The following DSP variants were observed in gnomAD, a reference collection of about 807,000 sequenced individuals.
The protein encoded by DSP is 250/210 kDa paraneoplastic pemphigus antigen.
In DSP, 114 loss-of-function variants were observed where a neutral mutation model predicts 290.6. The observed-to-expected ratio is 0.39, with a 90% CI of 0.34 to 0.46. The LOEUF (loss-of-function observed/expected upper bound fraction) is 0.46, where lower values mean the gene tolerates loss of function less well. DSP is among the 20% of genes least tolerant of loss of function. The pLI is 0.99. For synonymous variants in DSP, 1,311 were observed against 1,316.4 expected (o/e 1.00, Z 0.09); for missense variants, 3,230 against 3,495.8 (o/e 0.92, Z 1.92).
At chr6:7,570,379 C>T in intron 12 of DSP, 58 bp from the exon 13 acceptor site, 1 of 1,613,388 alleles carries the variant, frequency 6.2e-7, no homozygotes, top group Admixed American at 1.7e-5. Flanking sequence ...CCAGGTTTCC[C>T]ATTTGGGATG....
Position 7,542,138 on chromosome 6 carries a change from A to T in DSP, c.170+53A>T, listed in dbSNP as rs866743660. 5.2e-6 allele frequency: 8 copies of T among 1,546,448 alleles called. No individual in the cohort carries two copies. The East Asian group carries it at 2.0e-4, about 38-fold the overall frequency. Reference sequence around the variant, plus strand: ...TGCGGGGCTCGCGGGACAGGGAGGGACCGTCCTCCTCTGGACGACTGGGAG... The same window carrying T: ...TGCGGGGCTCGCGGGACAGGGAGGGTCCGTCCTCCTCTGGACGACTGGGAG... On this transcript the variant is annotated intron_variant, in intron 1 of 23. Transcript: ENST00000379802.
chr6:7,564,564 G>C (rs1157466114), intron 6 of DSP, among the ~76,000 whole-genome samples: 1 of 151,938 alleles, frequency 6.6e-6, no homozygotes, highest in African/African-American at 2.4e-5. Context: ...ATTATTGATG[G>C]GTACAAAAAT....
chr6:7,553,799 C>T (rs1758408605), intron 1 of DSP, among the ~76,000 whole-genome samples: 1 of 152,152 alleles, frequency 6.6e-6, no homozygotes, highest in African/African-American at 2.4e-5. Flanking sequence ...GCACCACCTC[C>T]CCTGGGCCTG....
At position 7,579,832 on chromosome 6, in the gene DSP, T is replaced by A. The variant is rs755908729; in HGVS notation, c.3642T>A (p.Ile1214=). ...TAAGGAACAAGTATGAAACAGAGAT[T>A]AACATTACGAAGACCACCATCAAGG... ...SNLRNKYETE[I]NITKTTIKEI... The change falls in exon 23 of 24, where the codon ATT becomes ATA. Residue 1214 remains isoleucine (I), a synonymous_variant. Transcript: ENST00000379802. This position sits in a 1 kb window ranked among gnomAD's most constrained non-coding sequence, Gnocchi z 4.1. 7 of 1,613,918 alleles carry A rather than the reference T, an allele frequency of 4.3e-6. No individual in the cohort carries two copies. The Admixed American group carries it at 8.3e-5, about 19-fold the overall frequency.
chr6:7,552,327 G>T (rs1480569003), intron 1 of DSP, among the ~76,000 whole-genome samples: 1 of 151,922 alleles, frequency 6.6e-6, no homozygotes, highest in Non-Finnish European at 1.5e-5. Flanking sequence ...AGGCCGAGGT[G>T]GGCAGATCAT....
At chr6:7,566,560 T>C (rs1758871202) in intron 8 of DSP, 79 bp downstream of exon 8, 1 of 1,156,606 alleles carries the variant, frequency 8.6e-7, no homozygotes, top group African/African-American at 1.6e-5. Flanking sequence ...TGAGTAATTC[T>C]TATATGACTT....
At chr6:7,559,475 G>T in intron 4 of DSP, 75 bp downstream of exon 4, 1 of 1,590,310 alleles carries the variant, frequency 6.3e-7, no homozygotes. Flanking sequence ...CCATGTGTTT[G>T]TGTGACAAAG....
rs2113705755 is a variant in DSP, at chr6:7,585,829, CTTCCTACTCTTA to C, written c.8577_8588del (p.Tyr2860_Ser2863del). The C allele has an allele frequency of 1.9e-6, 3 of 1,613,422 alleles. No individual in the cohort carries two copies. In the African/African-American group the frequency reaches 4.0e-5, roughly 22 times the overall value. On this transcript the variant is annotated inframe_deletion, in exon 24 of 24. Transcript: ENST00000379802. ...GGAAGCTTTGACGCCACAGGGAATT[CTTCCTACTCTTA>C]TTCCTACTCATTTAGCAGTAGTTCT...
chr6:7,566,617 C>A, intron 8 of DSP, 136 bp downstream of exon 8: 1 of 728,312 alleles, frequency 1.4e-6, no homozygotes, highest in Non-Finnish European at 2.3e-6. Flanking sequence ...ATACCCTACA[C>A]CAGGGGTTGG....
intron 4 of DSP, among the ~76,000 whole-genome samples, chr6:7,560,033 GACTAA>G (rs1758630444): frequency 6.6e-6 from 1 of 152,202 alleles, no homozygotes; most frequent in African/African-American, 2.4e-5. Flanking sequence ...TATTTTTCAA[GACTAA>G]TGATTGTTGT....
intron 8 of DSP, 94 bp from the exon 9 acceptor site, chr6:7,567,260 C>A: frequency 1.0e-6 from 1 of 993,744 alleles, no homozygotes; most frequent in Non-Finnish European, 1.6e-6. Context: ...ATAAAAACTG[C>A]TTACTAGCTT....
At chr6:7,553,816 G>A (rs1758408889) in intron 1 of DSP, among the ~76,000 whole-genome samples, 1 of 152,160 alleles carries the variant, frequency 6.6e-6, no homozygotes, top group African/African-American at 2.4e-5. Context: ...CCTGCCTGGA[G>A]GAGCCTGTGT....
chr6:7,579,390 C>T lies in DSP; in HGVS notation c.3200C>T (p.Ala1067Val), dbSNP rs1317030435. 2 of 1,613,982 alleles carry T rather than the reference C, an allele frequency of 1.2e-6. No homozygotes were observed. Among genetic ancestry groups the T allele is most frequent in the Admixed American group, 3.3e-5 (2 of 60,004 alleles). ...FLDQNLQKYQ[A>V]ECSQFKAKLA... ...GATCAGAACCTGCAGAAATACCAGG[C>T]AGAGTGTTCCCAGTTCAAAGCGAAG... is the stretch of plus-strand genomic sequence containing the variant. Residue 1067 changes from alanine (A) to valine (V), a missense_variant, in exon 23 of 24, where the codon GCA becomes GTA. By Grantham distance (64) the Ala-to-Val change is moderately conservative (BLOSUM62 0). Transcript: ENST00000379802. This position sits in a 1 kb window ranked among gnomAD's most constrained non-coding sequence, Gnocchi z 4.1.
At chr6:7,568,866 C>T (rs905637267) in intron 11 of DSP, among the ~76,000 whole-genome samples, 1 of 152,142 alleles carries the variant, frequency 6.6e-6, no homozygotes, top group Non-Finnish European at 1.5e-5. Context: ...TGATCACTCT[C>T]ATCTTTAAAT....
At chr6:7,545,098 G>T (rs1238644248) in intron 1 of DSP, among the ~76,000 whole-genome samples, 1 of 152,202 alleles carries the variant, frequency 6.6e-6, no homozygotes, top group East Asian at 1.9e-4. Flanking sequence ...GGGTGAATTT[G>T]TGGGAGGATT....
At chr6:7,560,030 C>T (rs1032499270) in intron 4 of DSP, among the ~76,000 whole-genome samples, 1 of 152,184 alleles carries the variant, frequency 6.6e-6, no homozygotes, top group African/African-American at 2.4e-5. Context: ...AAGTATTTTT[C>T]AAGACTAATG....
intron 1 of DSP, among the ~76,000 whole-genome samples, chr6:7,545,726 G>A (rs1400008384): frequency 1.3e-5 from 2 of 152,218 alleles, no homozygotes; most frequent in Admixed American, 1.3e-4. Context: ...ACAAGGAGGT[G>A]AGAGAACATC....
At chr6:7,558,870 C>T (rs1758584588) in intron 3 of DSP, among the ~76,000 whole-genome samples, 1 of 152,026 alleles carries the variant, frequency 6.6e-6, no homozygotes, top group Non-Finnish European at 1.5e-5. Context: ...GAGTTGGAAA[C>T]AAAGACTATA....
chr6:7,557,344 T>C (rs967714832), intron 2 of DSP, among the ~76,000 whole-genome samples: 3 of 152,210 alleles, frequency 2.0e-5, no homozygotes, highest in African/African-American at 7.2e-5. Context: ...AGGACATTGA[T>C]TGGCCCAATA....
Sources: gnomAD v4.1 joint callset for allele counts (sites outside exome capture counted in the v4.1 genomes callset) on GRCh38, gnomAD v4.1.1 for gene constraint, Gnocchi (gnomAD v3.1) non-coding constraint, MANE v1.5 for transcripts, NCBI Gene and HGNC (gene_info 2026-07-23, HGNC 2026-07-21) for gene names.